Variants in HTR1F observed in about 807,000 individuals in gnomAD.
HTR1F encodes the protein 5-hydroxytryptamine (serotonin) receptor 1F, G protein-coupled.
A neutral mutation model predicts 24.0 loss-of-function variants in HTR1F; 17 were observed. That is an observed-to-expected ratio of 0.71 (90% confidence interval 0.48 to 1.06). The LOEUF is 1.06. Among genes scored for constraint, HTR1F ranks in the 50% least tolerant of loss-of-function variants. The probability of loss-of-function intolerance (pLI) is 0.00; values close to 1 mark genes in which losing one functional copy is unlikely to be tolerated. For synonymous variants in HTR1F, 186 were observed against 156.8 expected (o/e 1.19, Z -1.39); for missense variants, 391 against 427.8 (o/e 0.91, Z 0.76).
chr3:87,880,144 A>G (rs1705757934), intron 2 of HTR1F, among the ~76,000 whole-genome samples: 1 of 152,182 alleles, frequency 6.6e-6, no homozygotes, highest in Admixed American at 6.5e-5. Context: ...TGACATAAAA[A>G]CAGATAAGTG....
intron 2 of HTR1F, among the ~76,000 whole-genome samples, chr3:87,887,095 C>T (rs1705966209): frequency 6.6e-6 from 1 of 152,148 alleles, no homozygotes. Flanking sequence ...GCTACAGTAA[C>T]AAAAACAGCA....
At chr3:87,866,372 T>C (rs1420598340) in intron 2 of HTR1F, among the ~76,000 whole-genome samples, 1 of 152,158 alleles carries the variant, frequency 6.6e-6, no homozygotes, top group Non-Finnish European at 1.5e-5. Context: ...GAGAGACTAG[T>C]CAAGGCAATT....
At chr3:87,966,110 G>A (rs1401135334) in intron 2 of HTR1F, among the ~76,000 whole-genome samples, 3 of 152,170 alleles carry the variant, frequency 2.0e-5, no homozygotes, top group Non-Finnish European at 4.4e-5. Flanking sequence ...AAGTCCAAGA[G>A]CAAGTCACCA....
chr3:87,864,051 T>C (rs555143436), intron 2 of HTR1F, among the ~76,000 whole-genome samples: 68 of 152,200 alleles, frequency 4.5e-4, no homozygotes, highest in Non-Finnish European at 5.3e-4. Context: ...TCTCATACTG[T>C]ATCACTCTGA....
At chr3:87,979,018 A>G (rs1457438176) in intron 2 of HTR1F, among the ~76,000 whole-genome samples, 13 of 4,738 alleles carry the variant, frequency 2.7e-3, no homozygotes, top group African/African-American at 3.3e-3. Flanking sequence ...AAGGGAGGGA[A>G]GGAGGGAGGG....
intron 2 of HTR1F, among the ~76,000 whole-genome samples, chr3:87,848,340 T>C (rs1420451047): frequency 6.6e-6 from 1 of 151,850 alleles, no homozygotes; most frequent in Non-Finnish European, 1.5e-5. Context: ...TTCATGTCTT[T>C]TGCCCTTTTG....
intron 2 of HTR1F, among the ~76,000 whole-genome samples, chr3:87,848,828 G>A (rs1559604470): frequency 6.6e-6 from 1 of 151,584 alleles, no homozygotes; most frequent in South Asian, 2.1e-4. Flanking sequence ...CAAACGGAGA[G>A]CCAAATCATG....
chr3:87,812,974 G>C (rs1314933655), intron 1 of HTR1F, among the ~76,000 whole-genome samples: 1 of 152,366 alleles, frequency 6.6e-6, no homozygotes, highest in South Asian at 2.1e-4. Flanking sequence ...GCAATGCCTG[G>C]TTGTCCAGGC....
At chr3:87,830,206 C>G (rs531528424) in intron 2 of HTR1F, among the ~76,000 whole-genome samples, 70 of 152,080 alleles carry the variant, frequency 4.6e-4, no homozygotes, top group African/African-American at 1.4e-3. Flanking sequence ...TCTATGAGCC[C>G]CTTGAAATTG....
At position 87,991,958 on chromosome 3, in the gene HTR1F, C is replaced by T. The variant is rs1213903844; in HGVS notation, c.*108C>T. ...GCTTTTAGAGGGAAATACATGAAAA[C>T]TGCTAAATTGATAAGGCTATAATTT... is the stretch of plus-strand genomic sequence containing the variant. On this transcript the variant is annotated 3_prime_UTR_variant, in exon 3 of 3. Coordinates refer to ENST00000319595, the MANE Select transcript of HTR1F (RefSeq NM_001322209.2). The T allele has an allele frequency of 5.6e-6, 5 of 887,698 alleles. No homozygotes were observed. In the East Asian group the frequency reaches 1.3e-4, roughly 23 times the overall value. 55.0% of individuals were successfully genotyped at this position (887,698 alleles called of 1,614,324 possible). A position where few individuals can be genotyped will look rare whatever the true frequency, so the allele number is the denominator to read the frequency against.
At chr3:87,920,706 C>T (rs1392049820) in intron 2 of HTR1F, among the ~76,000 whole-genome samples, 2 of 151,784 alleles carry the variant, frequency 1.3e-5, no homozygotes, top group Non-Finnish European at 2.9e-5. Context: ...AGTAAGAACA[C>T]ACAATGGGGC....
intron 2 of HTR1F, among the ~76,000 whole-genome samples, chr3:87,939,107 C>T (rs1704498828): frequency 6.6e-6 from 1 of 152,162 alleles, no homozygotes; most frequent in African/African-American, 2.4e-5. Context: ...AAAAAGTGGG[C>T]ATTTCTGCAT....
At chr3:87,886,378 A>T (rs564281394) in intron 2 of HTR1F, among the ~76,000 whole-genome samples, 2 of 152,352 alleles carry the variant, frequency 1.3e-5, no homozygotes, top group South Asian at 4.1e-4. Flanking sequence ...ACCCACAGCC[A>T]GTATCATACT....
intron 2 of HTR1F, among the ~76,000 whole-genome samples, chr3:87,990,125 G>C (rs899243295): frequency 6.6e-6 from 1 of 152,060 alleles, no homozygotes; most frequent in Non-Finnish European, 1.5e-5. Context: ...AAACTTGTTC[G>C]TGGAGTTTCT....
At chr3:87,884,964 T>A (rs1025780663) in intron 2 of HTR1F, among the ~76,000 whole-genome samples, 3 of 152,174 alleles carry the variant, frequency 2.0e-5, no homozygotes, top group African/African-American at 7.2e-5. Context: ...TATCCAGGAC[T>A]TGAACTCAGC....
intron 2 of HTR1F, among the ~76,000 whole-genome samples, chr3:87,929,935 T>C (rs1442525097): frequency 6.6e-6 from 1 of 152,234 alleles, no homozygotes; most frequent in Non-Finnish European, 1.5e-5. Context: ...CCCATGAGCA[T>C]GAAATGTTTT....
At position 87,881,732 on chromosome 3, in the gene HTR1F, C is replaced by T. The variant is rs556602800; in HGVS notation, c.-43+59608C>T. Among the ~76,000 whole-genome samples, 20 of 152,224 alleles carry T rather than the reference C, an allele frequency of 1.3e-4. No individual in the cohort carries two copies. In the East Asian group the frequency reaches 3.3e-3, roughly 25 times the overall value. On this transcript the variant is annotated intron_variant, in intron 2 of 2. Coordinates refer to ENST00000319595, the MANE Select transcript of HTR1F (RefSeq NM_001322209.2). ...ATTCAAGATGGATTAAAGACTTAAA[C>T]GTTAGACCTAAAACCATAAAAACCC... is the stretch of plus-strand genomic sequence containing the variant.
At chr3:87,915,585 G>T (rs1703875599) in intron 2 of HTR1F, among the ~76,000 whole-genome samples, 1 of 152,090 alleles carries the variant, frequency 6.6e-6, no homozygotes, top group Non-Finnish European at 1.5e-5. Context: ...AAGACCAATA[G>T]AATTGAACAA....
intron 2 of HTR1F, among the ~76,000 whole-genome samples, chr3:87,984,217 A>C (rs2107517477): frequency 6.6e-6 from 1 of 152,262 alleles, no homozygotes; most frequent in South Asian, 2.1e-4. Context: ...TCCCTGTTTA[A>C]CCATGCTATG....
Sources: allele counts gnomAD v4.1 joint callset (sites outside exome capture counted in the v4.1 genomes callset), GRCh38; gene constraint gnomAD v4.1.1; transcripts MANE v1.5; gene names NCBI Gene and HGNC (gene_info 2026-07-23, HGNC 2026-07-21).